AP4E1: variants seen among roughly 807,000 people sequenced by gnomAD.
The protein encoded by AP4E1 is AP-4 complex subunit epsilon-1.
AP4E1 carries 56 observed loss-of-function variants against 128.2 expected under a neutral mutation model. That is an observed-to-expected ratio of 0.44 (90% CI 0.35 to 0.55). The LOEUF is 0.55. Ranked by LOEUF, AP4E1 falls within the 20% of genes least tolerant of loss-of-function variation. The pLI, the probability that AP4E1 is intolerant of heterozygous loss-of-function variation, is 0.00. For synonymous variants in AP4E1, 484 were observed against 473.1 expected, an observed-to-expected ratio of 1.02 and a Z score of -0.30; for missense variants, 1,324 against 1,307.7, an observed-to-expected ratio of 1.01 and a Z score of -0.19.
chr15:50,987,888 T>G (rs2064750417), intron 16 of AP4E1, among the ~76,000 whole-genome samples: 1 of 152,170 alleles, frequency 6.6e-6, no homozygotes, highest in Non-Finnish European at 1.5e-5. Flanking sequence ...CTTTAAGAGC[T>G]TATCTACCTT....
At chr15:50,953,627 A>AT (rs1477926307) in intron 13 of AP4E1, among the ~76,000 whole-genome samples, 2 of 152,188 alleles carry the variant, frequency 1.3e-5, no homozygotes, top group African/African-American at 4.8e-5. Flanking sequence ...CAGTGCTTAT[A>AT]TTGTAGTAAA....
intron 10 of AP4E1, among the ~76,000 whole-genome samples, chr15:50,942,353 G>A (rs1290765365): frequency 6.6e-6 from 1 of 152,108 alleles, no homozygotes; most frequent in Non-Finnish European, 1.5e-5. Context: ...TTCGATCTGA[G>A]CATCATACCA....
At chr15:50,950,530 G>A (rs937957419) in intron 13 of AP4E1, among the ~76,000 whole-genome samples, 2 of 152,080 alleles carry the variant, frequency 1.3e-5, no homozygotes, top group Non-Finnish European at 2.9e-5. Flanking sequence ...ATAGAAGGAG[G>A]TTCATCTTTA....
chr15:50,929,236 G>A (rs2063803191), intron 6 of AP4E1, 68 bp downstream of exon 6: 26 of 1,515,650 alleles, frequency 1.7e-5, no homozygotes, highest in Non-Finnish European at 2.3e-5. Flanking sequence ...GAATTAAAAA[G>A]AAACAGATAT....
In AP4E1 at chr15:50,968,368, C is replaced by A; in HGVS notation, c.1957C>A (p.Gln653Lys). 6.2e-7 allele frequency: 1 copy of A among 1,611,532 alleles called. No homozygotes were observed. Among genetic ancestry groups the A allele is most frequent in the South Asian group, 1.1e-5 (1 of 90,780 alleles). The change falls in exon 15 of 21, where the codon CAG becomes AAG. Residue 653 changes from glutamine (Q) to lysine (K), a missense_variant. Coordinates refer to ENST00000261842, the MANE Select transcript of AP4E1 (RefSeq NM_007347.5). ...PHQRQEEKLS[Q>K]EKVLNFEPYG... ...TCAACGCCAGGAGGAAAAGCTTTCT[C>A]AGGAAAAAGGTAATTTTTCATGGAT...
chr15:50,989,560 G>A (rs1456945147), intron 16 of AP4E1, among the ~76,000 whole-genome samples: 2 of 151,784 alleles, frequency 1.3e-5, no homozygotes, highest in Admixed American at 6.6e-5. Flanking sequence ...CTCCAAGCAT[G>A]GGGAGCAAAT....
At chr15:50,995,461 G>A (rs2064855864) in intron 17 of AP4E1, among the ~76,000 whole-genome samples, 1 of 147,514 alleles carries the variant, frequency 6.8e-6, no homozygotes, top group South Asian at 2.1e-4. Flanking sequence ...GCAGTGGCAT[G>A]ATATTGGCTC....
rs567141154 is a variant in AP4E1 at position 50,953,662 on chromosome 15, C to G, written c.1548+3493C>G. Reference sequence around the variant, plus strand: ...ACCTTTATTTACTTAATCATGGCCCCACAGCACAAGAGTTGCGATGCTGGC... The same window carrying G: ...ACCTTTATTTACTTAATCATGGCCCGACAGCACAAGAGTTGCGATGCTGGC... On this transcript the variant is annotated intron_variant, in intron 13 of 20. Coordinates refer to ENST00000261842, the MANE Select transcript of AP4E1 (RefSeq NM_007347.5). 3.3e-5 allele frequency among the ~76,000 whole-genome samples: 5 copies of G among 152,260 alleles called. No individual in the cohort carries two copies. In the South Asian group the frequency reaches 8.3e-4, roughly 25 times the overall value.
chr15:50,948,241 T>A (rs529805881), intron 11 of AP4E1, 82 bp downstream of exon 11: 1 of 1,534,788 alleles, frequency 6.5e-7, no homozygotes, highest in South Asian at 1.1e-5. Context: ...TATGGTCACT[T>A]GCAAGTCGAG....
chr15:50,951,961 A>G (rs1259002656), intron 13 of AP4E1, among the ~76,000 whole-genome samples: 2 of 151,980 alleles, frequency 1.3e-5, no homozygotes, highest in Non-Finnish European at 2.9e-5. Context: ...TCTCGACCTC[A>G]GGTCATCCAC....
intron 15 of AP4E1, among the ~76,000 whole-genome samples, chr15:50,979,534 CT>C: frequency 6.6e-6 from 1 of 151,898 alleles, no homozygotes; most frequent in Admixed American, 6.6e-5. Context: ...TTTTTCTTTT[CT>C]TTTTTTTGAG....
chr15:51,001,225 C>A (rs1307459633), intron 20 of AP4E1, 42 bp downstream of exon 20: 4 of 1,560,082 alleles, frequency 2.6e-6, no homozygotes, highest in Middle Eastern at 1.7e-4. Flanking sequence ...TTTATAGGAG[C>A]TTTCTTATAA....
Position 50,911,773 on chromosome 15 carries a change from C to A in AP4E1, c.151-305C>A, listed in dbSNP as rs149412421. On this transcript the variant is annotated intron_variant, in intron 1 of 20. Coordinates refer to ENST00000261842, the MANE Select transcript of AP4E1 (RefSeq NM_007347.5). The stretch of plus-strand genomic sequence containing the variant: ...GATTACAGGCATGAGCTGTTGTGCC[C>A]GGCTTCCACCTTTAGTTTTAAAAAA... Among the ~76,000 whole-genome samples, 761 of 152,100 alleles carry A rather than the reference C, an allele frequency of 5.0e-3. 11 individuals are homozygous for A. The highest frequency in any genetic ancestry group is 0.018 in the African/African-American group (737 of 41,478).
At chr15:50,946,563 GAAAA>G (rs141910204) in intron 10 of AP4E1, among the ~76,000 whole-genome samples, 1 of 149,056 alleles carries the variant, frequency 6.7e-6, no homozygotes, top group Non-Finnish European at 1.5e-5. Flanking sequence ...TTTCAGCGTT[GAAAA>G]AAAAAATCTT....
chr15:50,991,267 G>T (rs908673849), intron 16 of AP4E1, among the ~76,000 whole-genome samples: 3 of 152,218 alleles, frequency 2.0e-5, no homozygotes, highest in South Asian at 2.1e-4. Flanking sequence ...CCTCCACATC[G>T]GCCTTTTGTT....
At chr15:50,934,254 T>C (rs142320071) in intron 7 of AP4E1, among the ~76,000 whole-genome samples, 149 of 152,198 alleles carry the variant, frequency 9.8e-4, no homozygotes, top group African/African-American at 3.2e-3. Context: ...ACAGTTAATA[T>C]GCTATCTGAA....
intron 3 of AP4E1, 160 bp downstream of exon 3, chr15:50,915,731 A>C: frequency 1.1e-6 from 1 of 889,426 alleles, no homozygotes; most frequent in South Asian, 1.7e-5. Context: ...AAAGCCATTT[A>C]TAGGAAATCA....
At chr15:50,947,837 A>T (rs899642158) in intron 10 of AP4E1, among the ~76,000 whole-genome samples, 183 bp from the exon 11 acceptor site, 12 of 152,106 alleles carry the variant, frequency 7.9e-5, no homozygotes, top group African/African-American at 2.9e-4. Context: ...TCATTTTTTG[A>T]CGATAGTTTT....
At chr15:50,934,786 A>G (rs774843757) in intron 8 of AP4E1, 89 bp downstream of exon 8, 36 of 816,408 alleles carry the variant, frequency 4.4e-5, no homozygotes, top group Non-Finnish European at 7.4e-5. Flanking sequence ...ATAAATTCCA[A>G]TAGAATTTTA....
Sources: gnomAD v4.1 joint callset for allele counts (sites outside exome capture counted in the v4.1 genomes callset) on GRCh38, gnomAD v4.1.1 for gene constraint, MANE v1.5 for transcripts, NCBI Gene and HGNC (gene_info 2026-07-23, HGNC 2026-07-21) for gene names.